Variants in THY1 observed in about 807,000 individuals in gnomAD.
THY1 encodes thy-1 membrane glycoprotein.
Under a neutral mutation model 14.9 loss-of-function variants are expected in THY1, and 10 were observed. The observed-to-expected ratio is 0.67, with a 90% confidence interval of 0.41 to 1.14. The LOEUF (loss-of-function observed/expected upper bound fraction) is 1.14, where lower values mean the gene tolerates loss of function less well. Ranked by LOEUF, THY1 falls within the 50% of genes most tolerant of loss-of-function variation. THY1 has a pLI of 0.00. For synonymous variants in THY1, 80 were observed against 90.0 expected, an observed-to-expected ratio of 0.89 and a Z score of 0.63; for missense variants, 159 against 202.1, an observed-to-expected ratio of 0.79 and a Z score of 1.29.
chr11:119,423,694 C>T (rs895077124), upstream of THY1: 3 of 170,734 alleles, frequency 1.8e-5, no homozygotes, highest in African/African-American at 7.2e-5. Flanking sequence ...TTGGAGCAGC[C>T]CTTCGGAAGC....
Position 119,420,919 on chromosome 11 carries a change from C to T in THY1, c.-14G>A. ...GGCCAGGTTCATGGTTCTGGGATCT[C>T]AGTCCTGGATCTGGGGTGGGAACAG... On this transcript the variant is annotated 5_prime_UTR_variant, in exon 2 of 4. Transcript: ENST00000284240. The T allele has an allele frequency of 6.2e-7, 1 of 1,614,138 alleles. No homozygotes were observed. The highest frequency in any genetic ancestry group is 1.6e-4 in the Middle Eastern group (1 of 6,062).
intron 3 of THY1, 187 bp downstream of exon 3, chr11:119,419,864 G>C: frequency 1.5e-6 from 1 of 687,952 alleles, no homozygotes. Context: ...TGCTCTGCCT[G>C]TCTGGCCCTG....
chr11:119,419,575 TCAGGCAGGCA>T lies in THY1; in HGVS notation c.374-65_374-56del. The stretch of plus-strand genomic sequence containing the variant: ...GGTAGGAAGGAAGACGGATCAGGAC[TCAGGCAGGCA>T]CAGGCCCAAAGCAAGGGTGTACTCC... On this transcript the variant is annotated intron_variant, in intron 3 of 3. Transcript: ENST00000284240. 1.5e-5 allele frequency: 22 copies of T among 1,459,030 alleles called. No homozygotes were observed. In the South Asian group the frequency reaches 2.4e-4, roughly 16 times the overall value. 90.4% of individuals were successfully genotyped at this position (1,459,030 alleles called of 1,614,324 possible). A position where few individuals can be genotyped will look rare whatever the true frequency, so the allele number is the denominator to read the frequency against.
In THY1 at chr11:119,418,369, A is replaced by T. The variant is rs1861820998; in HGVS notation, c.*1039T>A. On this transcript the variant is annotated 3_prime_UTR_variant, in exon 4 of 4. Coordinates refer to ENST00000284240, the MANE Select transcript of THY1 (RefSeq NM_006288.5). ...CCATGGCTTGCCTCAGGCCCCGCAGAAGTCCCTGAGAAGGCAGGCCTGCGG... is the reference window on the plus strand; with the variant it reads ...CCATGGCTTGCCTCAGGCCCCGCAGTAGTCCCTGAGAAGGCAGGCCTGCGG... 1 of 152,308 alleles carries T rather than the reference A, an allele frequency of 6.6e-6. No homozygotes were observed. The highest frequency in any genetic ancestry group is 1.5e-5 in the Non-Finnish European group (1 of 68,106). 9.4% of individuals were successfully genotyped at this position (152,308 alleles called of 1,614,324 possible).
chr11:119,419,401 C>T lies in THY1; in HGVS notation c.*7G>A. The T allele has an allele frequency of 6.2e-7, 1 of 1,612,962 alleles. No individual in the cohort carries two copies. The highest frequency in any genetic ancestry group is 8.5e-7 in the Non-Finnish European group (1 of 1,179,108). On this transcript the variant is annotated 3_prime_UTR_variant, in exon 4 of 4. Transcript: ENST00000284240. ...AGGCTTCCTGTCTCCTCCATGGGCC[C>T]CACCAGTCACAGGGACATGAAATCC...
rs1451010036 is a variant in THY1 at position 119,418,400 on chromosome 11, G to A, written c.*1008C>T. The A allele has an allele frequency of 6.6e-6, 1 of 152,370 alleles. No homozygotes were observed. The allele number at this position is 152,370 out of a possible 1,614,324, so 9.4% of individuals were successfully genotyped here. A position where few individuals can be genotyped will look rare whatever the true frequency, so the allele number is the denominator to read the frequency against. ...CTGAGAAGGCAGGCCTGCGGGGCAG[G>A]GGGCTGTCTGAGGGGCTCAGGCACC... is the stretch of plus-strand genomic sequence containing the variant. On this transcript the variant is annotated 3_prime_UTR_variant, in exon 4 of 4. Coordinates refer to ENST00000284240, the MANE Select transcript of THY1 (RefSeq NM_006288.5).
At position 119,423,113 on chromosome 11, in the gene THY1, C is replaced by G; in HGVS notation, c.-25G>C. ...AGGTCCCACCGGCTCCAGTTCCCACCTGGACTGGGGTCTTCCGCTGCTGCA... is the reference window on the plus strand; with the variant it reads ...AGGTCCCACCGGCTCCAGTTCCCACGTGGACTGGGGTCTTCCGCTGCTGCA... On this transcript the variant is annotated splice_region_variant and 5_prime_UTR_variant, in exon 1 of 4. Transcript: ENST00000284240. The G allele has an allele frequency of 4.4e-6, 2 of 456,156 alleles. No homozygotes were observed. The highest frequency in any genetic ancestry group is 8.8e-6 in the Non-Finnish European group (2 of 226,886). 28.3% of individuals were successfully genotyped at this position (456,156 alleles called of 1,614,324 possible).
Position 119,419,133 on chromosome 11 carries a change from CAAAG to C in THY1, c.*271_*274del. On this transcript the variant is annotated 3_prime_UTR_variant, in exon 4 of 4. Coordinates refer to ENST00000284240, the MANE Select transcript of THY1 (RefSeq NM_006288.5). Reference sequence around the variant, plus strand: ...CCTGGCTTCCCTCTTCACGAACTCTCAAAGAAAAGGAAGGATAAAACCTAAATAA... The same window carrying C: ...CCTGGCTTCCCTCTTCACGAACTCTCAAAAGGAAGGATAAAACCTAAATAA... 4.7e-6 allele frequency: 2 copies of C among 427,240 alleles called. No homozygotes were observed. The highest frequency in any genetic ancestry group is 5.0e-5 in the East Asian group (1 of 20,198). 26.5% of individuals were successfully genotyped at this position (427,240 alleles called of 1,614,324 possible).
chr11:119,420,184 G>A lies in THY1; in HGVS notation c.240C>T (p.Phe80=). 1 of 1,614,292 alleles carries A rather than the reference G, an allele frequency of 6.2e-7. No homozygotes were observed. The highest frequency in any genetic ancestry group is 8.5e-7 in the Non-Finnish European group (1 of 1,180,054). The change falls in exon 3 of 4, where the codon TTC becomes TTT. Residue 80 remains phenylalanine (F), a synonymous_variant. Transcript: ENST00000284240. ...PEHTYRSRTN[F]TSKYNMKVLY... is the part of the protein sequence containing the mutation. ...GGACCTTCATGTTGTATTTGCTGGTGAAGTTGGTTCGGGAGCGGTATGTGT... is the reference window on the plus strand; with the variant it reads ...GGACCTTCATGTTGTATTTGCTGGTAAAGTTGGTTCGGGAGCGGTATGTGT...
At chr11:119,420,599 G>A in intron 2 of THY1, 1 of 633,864 alleles carries the variant, frequency 1.6e-6, no homozygotes, top group Non-Finnish European at 2.7e-6. Context: ...TGTGTTTCAA[G>A]GACAGGAGAT....
chr11:119,420,502 G>A, intron 2 of THY1, 116 bp from the exon 3 acceptor site: 1 of 1,021,486 alleles, frequency 9.8e-7, no homozygotes, highest in Non-Finnish European at 1.4e-6. Context: ...TGCTCTCTGA[G>A]TGCCTTTCCC....
chr11:119,416,860 C>T lies in THY1; in HGVS notation c.*2548G>A, dbSNP rs1181530844. Among the ~76,000 whole-genome samples, 1 of 152,182 alleles carries T rather than the reference C, an allele frequency of 6.6e-6. No homozygotes were observed. Among genetic ancestry groups the T allele is most frequent in the East Asian group, 1.9e-4 (1 of 5,194 alleles). ...TCTGTGGCTTCTTGAGCTAATCTCA[C>T]CCACTGTGGGCCTCAGGTTCCGCTC... is the stretch of plus-strand genomic sequence containing the variant. On this transcript the variant is annotated 3_prime_UTR_variant, in exon 4 of 4. Coordinates refer to ENST00000284240, the MANE Select transcript of THY1 (RefSeq NM_006288.5).
upstream of THY1, chr11:119,423,277 GCA>G: frequency 2.8e-6 from 1 of 360,620 alleles, no homozygotes. Flanking sequence ...AGAAAGGACG[GCA>G]GGGTGGGGTG....
Position 119,417,596 on chromosome 11 carries a change from T to C in THY1, c.*1812A>G, listed in dbSNP as rs533746059. 6.6e-6 allele frequency: 1 copy of C among 152,244 alleles called. No individual in the cohort carries two copies. Among genetic ancestry groups the C allele is most frequent in the South Asian group, 2.1e-4 (1 of 4,820 alleles). 9.4% of individuals were successfully genotyped at this position (152,244 alleles called of 1,614,324 possible). A position where few individuals can be genotyped will look rare whatever the true frequency, so the allele number is the denominator to read the frequency against. On this transcript the variant is annotated 3_prime_UTR_variant, in exon 4 of 4. Transcript: ENST00000284240. ...CCTCTTGCCCCCAATCCCAGGATGC[T>C]CGCTTCCATTTTACTCTACTTTTAG...
chr11:119,423,273 G>A (rs56041994), upstream of THY1: 250 of 376,370 alleles, frequency 6.6e-4, no homozygotes, highest in Non-Finnish European at 1.2e-3. Flanking sequence ...GGGGAGAAAG[G>A]ACGGCAGGGT....
upstream of THY1, chr11:119,423,909 T>G (rs1861967870): frequency 6.6e-6 from 1 of 152,494 alleles, no homozygotes; most frequent in Non-Finnish European, 1.5e-5. Context: ...TCTGCTTGTT[T>G]GGTCTTCAGA....
chr11:119,419,708 T>G (rs1021713325), intron 3 of THY1, 188 bp from the exon 4 acceptor site: 3 of 614,434 alleles, frequency 4.9e-6, no homozygotes, highest in Non-Finnish European at 8.9e-6. Flanking sequence ...ACTGATCTCT[T>G]GCACACATAT....
In THY1 at chr11:119,420,142, G is replaced by A; in HGVS notation, c.282C>T (p.Phe94=). Residue 94 remains phenylalanine, a synonymous_variant, in exon 3 of 4, where the codon TTC becomes TTT. Coordinates refer to ENST00000284240, the MANE Select transcript of THY1 (RefSeq NM_006288.5). ...TGTAGGTGCCCTCGTCCTTGCTAGT[G>A]AAGGCGGATAAGTAGAGGACCTTCA... is the stretch of plus-strand genomic sequence containing the variant. ...YNMKVLYLSA[F]TSKDEGTYTC... 6.2e-7 allele frequency: 1 copy of A among 1,614,264 alleles called. No homozygotes were observed. The highest frequency in any genetic ancestry group is 8.5e-7 in the Non-Finnish European group (1 of 1,180,054).
In THY1 at chr11:119,418,970, C is replaced by CGTATCATTA; in HGVS notation, c.*437_*438insTAATGATAC. 4 of 303,414 alleles carry CGTATCATTA rather than the reference C, an allele frequency of 1.3e-5. No individual in the cohort carries two copies. Among genetic ancestry groups the CGTATCATTA allele is most frequent in the Admixed American group, 4.3e-5 (1 of 23,206 alleles). 18.8% of individuals were successfully genotyped at this position (303,414 alleles called of 1,614,324 possible). ...GGACAGACCATGTCCGTGCTAGGCC[C>CGTATCATTA]AGGCACAGCCCAACCACTCCTCATC... is the stretch of plus-strand genomic sequence containing the variant. On this transcript the variant is annotated 3_prime_UTR_variant, in exon 4 of 4. Coordinates refer to ENST00000284240, the MANE Select transcript of THY1 (RefSeq NM_006288.5).
Sources: allele counts gnomAD v4.1 joint callset (sites outside exome capture counted in the v4.1 genomes callset), GRCh38; gene constraint gnomAD v4.1.1; transcripts MANE v1.5; gene names NCBI Gene and HGNC (gene_info 2026-07-23, HGNC 2026-07-21).